The following KAZN variants were observed in gnomAD, a reference collection of about 807,000 sequenced individuals.
KAZN encodes kazrin, periplakin interacting protein.
KAZN carries 40 observed loss-of-function variants against 87.4 expected under a neutral mutation model. The observed-to-expected ratio is 0.46, with a 90% CI of 0.36 to 0.60. KAZN has a LOEUF of 0.60. Among genes scored for constraint, KAZN ranks in the 20% least tolerant of loss-of-function variants. The pLI is 0.00. For synonymous variants in KAZN, 466 were observed against 458.3 expected (o/e 1.02, Z -0.22); for missense variants, 898 against 1,073.9 (o/e 0.84, Z 2.29).
chr1:15,061,645 G>C (rs548423491), intron 6 of KAZN: 2 of 152,178 alleles, frequency 1.3e-5, no homozygotes, highest in South Asian at 2.1e-4. Context: ...TCAGCCTCCC[G>C]AGCAGCTGGC....
In KAZN at chr1:14,176,307, C is replaced by T. The variant is rs1029145311; in HGVS notation, c.92-4128C>T. 3.3e-5 allele frequency among the ~76,000 whole-genome samples: 5 copies of T among 152,250 alleles called. No individual in the cohort carries two copies. The South Asian group carries it at 8.3e-4, about 25-fold the overall frequency. ...CTGGACTAGGTTGAGGTATCATCAA[C>T]CCCAGTTGCTCAACACTAAGCAAGA... On this transcript the variant is annotated intron_variant, in intron 1 of 16. Coordinates refer to the KAZN transcript ENST00000636203.
At chr1:14,062,952 C>T (rs1280476156) in intron 1 of KAZN, among the ~76,000 whole-genome samples, 4 of 152,068 alleles carry the variant, frequency 2.6e-5, no homozygotes, top group Admixed American at 6.6e-5. Context: ...ATAGATGAGA[C>T]GTGGCTGGAA....
At chr1:14,951,998 G>A (rs1029052953) in intron 1 of KAZN, among the ~76,000 whole-genome samples, 4 of 152,102 alleles carry the variant, frequency 2.6e-5, no homozygotes, top group Admixed American at 6.5e-5. Context: ...GCTTGATCCC[G>A]TGCCCTGCCA....
Position 14,185,656 on chromosome 1 carries a change from G to C in KAZN, c.249+5064G>C, listed in dbSNP as rs1169713605. Among the ~76,000 whole-genome samples, 8 of 152,200 alleles carry C rather than the reference G, an allele frequency of 5.3e-5. No individual in the cohort carries two copies. The South Asian group carries it at 1.0e-3, about 20-fold the overall frequency. ...TGATCTTTAAAAGGGTGTTTGTTTTGTTTTGTTTTTGTTTCAGATAAATAA... is the reference window on the plus strand; with the variant it reads ...TGATCTTTAAAAGGGTGTTTGTTTTCTTTTGTTTTTGTTTCAGATAAATAA... On this transcript the variant is annotated intron_variant, in intron 2 of 16. Coordinates refer to the KAZN transcript ENST00000636203.
intron 2 of KAZN, among the ~76,000 whole-genome samples, chr1:14,344,339 AAAG>A (rs1161463267): frequency 1.3e-5 from 2 of 152,148 alleles, no homozygotes; most frequent in African/African-American, 4.8e-5. Flanking sequence ...GTGAAAAAAA[AAAG>A]AAATGTATCT....
chr1:13,963,759 CTGTGTGTGTGTGTG>C (rs70987708), intron 1 of KAZN, among the ~76,000 whole-genome samples: 1,811 of 141,994 alleles, frequency 0.013, 20 homozygotes, highest in African/African-American at 0.032. Flanking sequence ...CTGCTGTGGT[CTGTGTGTGTGTGTG>C]TGTGTGTGTG....
intron 1 of KAZN, among the ~76,000 whole-genome samples, chr1:14,147,905 G>A (rs1004185234): frequency 6.6e-6 from 1 of 151,916 alleles, no homozygotes; most frequent in Non-Finnish European, 1.5e-5. Flanking sequence ...TACTATTATT[G>A]CTATTTATTG....
intron 1 of KAZN, among the ~76,000 whole-genome samples, chr1:14,788,437 C>T (rs889859005): frequency 6.6e-6 from 1 of 152,036 alleles, no homozygotes; most frequent in Admixed American, 6.5e-5. Context: ...TCGGGGAAGC[C>T]GGGGTGGGTA....
chr1:14,808,757 G>T (rs10927556), intron 1 of KAZN, among the ~76,000 whole-genome samples: 44,046 of 151,948 alleles, frequency 0.29, 7,723 homozygotes, highest in East Asian at 0.52. Flanking sequence ...ACCCAACAGA[G>T]TCTTAAACAA....
At chr1:14,666,924 T>C (rs990150449) in intron 1 of KAZN, among the ~76,000 whole-genome samples, 5 of 152,140 alleles carry the variant, frequency 3.3e-5, no homozygotes, top group Non-Finnish European at 7.3e-5. Context: ...TTAGTAGAGA[T>C]GGGGTTTCAC....
In KAZN at chr1:15,089,607, A is replaced by G. The variant is rs572412463; in HGVS notation, c.1223-4573A>G. 5.3e-5 allele frequency among the ~76,000 whole-genome samples: 8 copies of G among 152,274 alleles called. No individual in the cohort carries two copies. In the South Asian group the frequency reaches 1.0e-3, roughly 20 times the overall value. On this transcript the variant is annotated intron_variant, in intron 8 of 14. Transcript: ENST00000376030. ...CAGCCTGAAAAAACAGACATCAGAAAAAAATATCTCCTATATGATGAATGT... is the reference window on the plus strand; with the variant it reads ...CAGCCTGAAAAAACAGACATCAGAAGAAAATATCTCCTATATGATGAATGT...
intron 1 of KAZN, among the ~76,000 whole-genome samples, chr1:14,787,759 C>G (rs1192667791): frequency 2.6e-5 from 4 of 152,142 alleles, no homozygotes; most frequent in Non-Finnish European, 4.4e-5. Flanking sequence ...CACAACAGCC[C>G]TGTGGACCTG....
chr1:14,504,427 G>T (rs1410254389), intron 2 of KAZN, among the ~76,000 whole-genome samples: 2 of 152,208 alleles, frequency 1.3e-5, no homozygotes, highest in East Asian at 1.9e-4. Flanking sequence ...GAAATGCCAG[G>T]CATTTTCTCT....
intron 1 of KAZN, among the ~76,000 whole-genome samples, chr1:14,691,549 C>T (rs1323020189): frequency 6.6e-6 from 1 of 152,168 alleles, no homozygotes; most frequent in Non-Finnish European, 1.5e-5. Context: ...TGCAGTGGCA[C>T]AATCTCGGTT....
chr1:14,694,456 C>G (rs1410992583), intron 1 of KAZN, among the ~76,000 whole-genome samples: 2 of 152,018 alleles, frequency 1.3e-5, no homozygotes, highest in Non-Finnish European at 2.9e-5. Flanking sequence ...TTGATCTCCT[C>G]AACTGAAACA....
chr1:14,158,863 G>T (rs1645650927), intron 1 of KAZN, among the ~76,000 whole-genome samples: 1 of 152,146 alleles, frequency 6.6e-6, no homozygotes, highest in African/African-American at 2.4e-5. Context: ...ACTCATAGAG[G>T]TACTGCCTTT....
rs761020881 is a variant in KAZN, at chr1:14,854,374, C to T, written c.227-106310C>T. Among the ~76,000 whole-genome samples the T allele has an allele frequency of 1.3e-4, 20 of 152,274 alleles. 1 individual carries two copies. Among genetic ancestry groups the T allele is most frequent in the Non-Finnish European group, 2.4e-4 (16 of 68,030 alleles). ...TCTTGTTTTAGTTCATTTTGTGTTG[C>T]TATAACAGAATACCTGAGACTGGGT... On this transcript the variant is annotated intron_variant, in intron 1 of 14. Coordinates refer to ENST00000376030, the MANE Select transcript of KAZN (RefSeq NM_201628.3).
chr1:14,036,759 T>C (rs1641576626), intron 1 of KAZN, among the ~76,000 whole-genome samples: 1 of 152,016 alleles, frequency 6.6e-6, no homozygotes, highest in African/African-American at 2.4e-5. Flanking sequence ...CTTTGGAGTC[T>C]ATTTATTTAT....
At chr1:14,688,904 AT>A (rs1251637050) in intron 1 of KAZN, among the ~76,000 whole-genome samples, 2 of 152,214 alleles carry the variant, frequency 1.3e-5, no homozygotes, top group Non-Finnish European at 2.9e-5. Flanking sequence ...GTAAGAGTTG[AT>A]TGGTAAGGCT....
Sources: allele counts gnomAD v4.1 joint callset (sites outside exome capture counted in the v4.1 genomes callset), GRCh38; gene constraint gnomAD v4.1.1; transcripts MANE v1.5; gene names NCBI Gene and HGNC (gene_info 2026-07-23, HGNC 2026-07-21).